The following APIP variants were observed in gnomAD, a reference collection of about 807,000 sequenced individuals.
APIP encodes the protein APAF1 interacting protein.
APIP carries 32 observed loss-of-function variants against 32.0 expected under a neutral mutation model. The ratio of observed to expected loss-of-function variants is 1.00; its 90% confidence interval spans 0.76 to 1.34. The LOEUF is 1.34. Ranked by LOEUF, APIP falls within the 40% of genes most tolerant of loss-of-function variation. The probability of loss-of-function intolerance (pLI) is 0.00; values close to 1 mark genes in which losing one functional copy is unlikely to be tolerated. For missense variants in APIP, 247 were observed against 298.6 expected, an observed-to-expected ratio of 0.83 and a Z score of 1.27; for synonymous variants, 92 against 94.8, an observed-to-expected ratio of 0.97 and a Z score of 0.17.
chr11:34,903,961 T>C (rs1011134060), intron 1 of APIP, among the ~76,000 whole-genome samples: 2 of 152,176 alleles, frequency 1.3e-5, no homozygotes, highest in African/African-American at 4.8e-5. Context: ...AGGAGAGAAC[T>C]TACCAAAAAC....
In APIP at chr11:34,916,324, C is replaced by T; in HGVS notation, c.-40G>A. Reference sequence around the variant, plus strand: ...ACCCGCGCGGCCTCCAATCTCCGCACGGCTTTGCGCGCGGCGCTTAGCCTG... The same window carrying T: ...ACCCGCGCGGCCTCCAATCTCCGCATGGCTTTGCGCGCGGCGCTTAGCCTG... On this transcript the variant is annotated 5_prime_UTR_variant, in exon 1 of 7. The change creates a new upstream start codon in the 5' untranslated region. Transcript: ENST00000395787. The T allele has an allele frequency of 6.2e-7, 1 of 1,606,620 alleles. No homozygotes were observed.
Position 34,898,786 on chromosome 11 carries a change from G to GTT in APIP, c.58-3678_58-3677dup, listed in dbSNP as rs57593563. On this transcript the variant is annotated intron_variant, in intron 1 of 6. Coordinates refer to ENST00000395787, the MANE Select transcript of APIP (RefSeq NM_015957.4). Reference sequence around the variant, plus strand: ...CGAGCACATAGTATTTCTTTCTTTGGTTTTTTTTTTTTTTTTTTTTTTTTT... The same window carrying GTT: ...CGAGCACATAGTATTTCTTTCTTTGGTTTTTTTTTTTTTTTTTTTTTTTTTTT... 9.4e-3 allele frequency among the ~76,000 whole-genome samples: 521 copies of GTT among 55,184 alleles called. 52 individuals carry two copies. The highest frequency in any genetic ancestry group is 0.025 in the African/African-American group (298 of 11,962). The allele number at this position is 55,184 out of a possible 152,430, so 36.2% of individuals were successfully genotyped here. A position where few individuals can be genotyped will look rare whatever the true frequency, so the allele number is the denominator to read the frequency against.
chr11:34,890,130 T>C (rs1853161200), intron 3 of APIP, among the ~76,000 whole-genome samples: 1 of 152,126 alleles, frequency 6.6e-6, no homozygotes, highest in South Asian at 2.1e-4. Context: ...AATCCTGAAA[T>C]TAGAATAACT....
chr11:34,883,044 G>A (rs1852993425), intron 6 of APIP, among the ~76,000 whole-genome samples: 3 of 152,172 alleles, frequency 2.0e-5, no homozygotes, highest in African/African-American at 7.2e-5. Context: ...ATAAAAGAGA[G>A]TTTAAAATAT....
At chr11:34,900,574 T>G (rs1488577799) in intron 1 of APIP, among the ~76,000 whole-genome samples, 1 of 152,138 alleles carries the variant, frequency 6.6e-6, no homozygotes, top group African/African-American at 2.4e-5. Flanking sequence ...GGATGTTACG[T>G]TGCTGCTACG....
intron 2 of APIP, among the ~76,000 whole-genome samples, chr11:34,893,233 T>C (rs1057280676): frequency 6.6e-6 from 1 of 152,196 alleles, no homozygotes; most frequent in Non-Finnish European, 1.5e-5. Flanking sequence ...GTCTTTTTGA[T>C]CAAAAATATT....
intron 3 of APIP, among the ~76,000 whole-genome samples, chr11:34,889,198 TTAC>T (rs1321122956): frequency 2.0e-5 from 3 of 151,926 alleles, no homozygotes; most frequent in Non-Finnish European, 4.4e-5. Flanking sequence ...ATATGGAAAA[TTAC>T]TATTTATGTA....
At chr11:34,883,235 A>G (rs1200238091) in intron 6 of APIP, 102 bp downstream of exon 6, 1 of 1,251,098 alleles carries the variant, frequency 8.0e-7, no homozygotes, top group Non-Finnish European at 1.1e-6. Context: ...GTATCTACAA[A>G]TAATGATAAA....
chr11:34,910,877 T>G (rs139358990), intron 1 of APIP, among the ~76,000 whole-genome samples: 13 of 152,192 alleles, frequency 8.5e-5, no homozygotes, highest in Non-Finnish European at 1.9e-4. Context: ...TTATACTGCA[T>G]GTGGAAAGAG....
intron 2 of APIP, among the ~76,000 whole-genome samples, chr11:34,893,121 AT>A (rs954829961): frequency 3.9e-5 from 6 of 152,170 alleles, no homozygotes; most frequent in Non-Finnish European, 5.9e-5. Flanking sequence ...ATAAAAGCCC[AT>A]TTAATTTTAA....
At chr11:34,915,893 G>C (rs569927061) in intron 1 of APIP, 2 of 414,956 alleles carry the variant, frequency 4.8e-6, no homozygotes, top group Non-Finnish European at 8.6e-6. Context: ...CTCCACTTCG[G>C]TGCTTCACGA....
chr11:34,909,624 G>A (rs1199743743), intron 1 of APIP, among the ~76,000 whole-genome samples: 6 of 152,156 alleles, frequency 3.9e-5, no homozygotes, highest in African/African-American at 1.4e-4. Flanking sequence ...AAGTGAGCAA[G>A]TACTTCACAG....
At chr11:34,894,404 G>A (rs1853232612) in intron 2 of APIP, among the ~76,000 whole-genome samples, 1 of 150,466 alleles carries the variant, frequency 6.6e-6, no homozygotes, top group Admixed American at 6.6e-5. Flanking sequence ...GTCAAGGCAG[G>A]TGGGTTGCTT....
chr11:34,901,422 C>T (rs992840770), intron 1 of APIP, among the ~76,000 whole-genome samples: 7 of 151,968 alleles, frequency 4.6e-5, no homozygotes, highest in South Asian at 2.1e-4. Flanking sequence ...CTAGCTCCAG[C>T]GACTCAGACT....
intron 1 of APIP, among the ~76,000 whole-genome samples, chr11:34,896,373 A>G (rs994756277): frequency 1.4e-4 from 21 of 152,188 alleles, no homozygotes; most frequent in African/African-American, 5.1e-4. Flanking sequence ...ACATATACAC[A>G]ATGGAATACT....
chr11:34,914,618 T>C (rs1425469025), intron 1 of APIP, among the ~76,000 whole-genome samples: 1 of 152,190 alleles, frequency 6.6e-6, no homozygotes, highest in Non-Finnish European at 1.5e-5. Flanking sequence ...TGTTCACTAG[T>C]AACCGCAATC....
intron 1 of APIP, among the ~76,000 whole-genome samples, chr11:34,902,328 G>A (rs964804140): frequency 2.6e-5 from 4 of 152,178 alleles, no homozygotes; most frequent in African/African-American, 9.7e-5. Flanking sequence ...CCTCAAGTTA[G>A]GGTCTTGCAT....
At chr11:34,905,279 A>T (rs982533713) in intron 1 of APIP, among the ~76,000 whole-genome samples, 1 of 138,762 alleles carries the variant, frequency 7.2e-6, no homozygotes, top group Non-Finnish European at 1.6e-5. Flanking sequence ...CTCCTGCAAT[A>T]TCTGCCATGG....
intron 1 of APIP, among the ~76,000 whole-genome samples, chr11:34,907,954 T>C (rs977110621): frequency 6.6e-6 from 1 of 152,046 alleles, no homozygotes; most frequent in Admixed American, 6.6e-5. Flanking sequence ...TCTAATCCCC[T>C]CCCCCATCTT....
Sources: gnomAD v4.1 joint callset for allele counts (sites outside exome capture counted in the v4.1 genomes callset) on GRCh38, gnomAD v4.1.1 for gene constraint, MANE v1.5 for transcripts, NCBI Gene and HGNC (gene_info 2026-07-23, HGNC 2026-07-21) for gene names.